Variants in PPARGC1B observed in about 807,000 individuals in gnomAD.
PPARGC1B encodes the protein peroxisome proliferator-activated receptor gamma coactivator 1-beta.
PPARGC1B carries 34 observed loss-of-function variants against 101.6 expected under a neutral mutation model. The ratio of observed to expected loss-of-function variants is 0.33; its 90% confidence interval spans 0.25 to 0.45. The LOEUF (loss-of-function observed/expected upper bound fraction) is 0.45, where lower values mean the gene tolerates loss of function less well. Among genes scored for constraint, PPARGC1B ranks in the 20% least tolerant of loss-of-function variants. PPARGC1B has a pLI of 1.00. For synonymous variants in PPARGC1B, 548 were observed against 539.3 expected (o/e 1.02, Z -0.22); for missense variants, 1,234 against 1,317.6 (o/e 0.94, Z 0.98).
intron 1 of PPARGC1B, among the ~76,000 whole-genome samples, chr5:149,803,118 C>G (rs1757485928): frequency 6.6e-6 from 1 of 152,206 alleles, no homozygotes; most frequent in African/African-American, 2.4e-5. Context: ...TGGTTGTCTG[C>G]TCTCTGAGGT....
At chr5:149,762,226 G>A (rs1322467000) in intron 1 of PPARGC1B, among the ~76,000 whole-genome samples, 9 of 149,046 alleles carry the variant, frequency 6.0e-5, no homozygotes, top group South Asian at 2.1e-4. Flanking sequence ...TCGGCTCACT[G>A]CAACCTCTGC....
At chr5:149,795,395 T>C (rs1447111692) in intron 1 of PPARGC1B, among the ~76,000 whole-genome samples, 1 of 152,138 alleles carries the variant, frequency 6.6e-6, no homozygotes, top group Non-Finnish European at 1.5e-5. Context: ...GGTGGGGCAT[T>C]GGACTAAGTG....
chr5:149,847,450 A>G lies in PPARGC1B; in HGVS notation c.2972-8A>G, dbSNP rs778416521. On this transcript the variant is annotated splice_polypyrimidine_tract_variant and splice_region_variant and intron_variant, in intron 11 of 11. Coordinates refer to ENST00000309241, the MANE Select transcript of PPARGC1B (RefSeq NM_133263.4). ...CCCTCTTCCCTGCCTCTTCACCCCC[A>G]TGCCCAGATTCCAATTCAGAAGAGG... 10 of 1,609,282 alleles carry G rather than the reference A, an allele frequency of 6.2e-6. No homozygotes were observed. Among genetic ancestry groups the G allele is most frequent in the Non-Finnish European group, 8.5e-6 (10 of 1,175,588 alleles).
chr5:149,796,463 G>A (rs1049491871), intron 1 of PPARGC1B, among the ~76,000 whole-genome samples: 8 of 152,180 alleles, frequency 5.3e-5, no homozygotes, highest in African/African-American at 1.7e-4. Context: ...CAATAGGAGC[G>A]TCTTTGGAGA....
At chr5:149,799,687 G>GTTTTTTTTT (rs1561553708) in intron 1 of PPARGC1B, among the ~76,000 whole-genome samples, 6 of 85,436 alleles carry the variant, frequency 7.0e-5, no homozygotes, top group African/African-American at 2.5e-4. Flanking sequence ...TTGTTTGCTT[G>GTTTTTTTTT]TTGTTGTTTT....
Position 149,833,772 on chromosome 5 carries a change from C to G in PPARGC1B, c.1699C>G (p.Pro567Ala). The part of the protein sequence containing the change: ...DEDPSCPQLP[P>A]RDSPRCLMLA... ...GGACCCCAGCTGCCCGCAGCTCCCT[C>G]CCAGAGGTAGTCAGAGTTGGTGGTC... is the stretch of plus-strand genomic sequence containing the variant. Residue 567 changes from proline (P) to alanine (A), a missense_variant, in exon 5 of 12, where the codon CCC (proline) becomes GCC (alanine). Coordinates refer to ENST00000309241, the MANE Select transcript of PPARGC1B (RefSeq NM_133263.4). This position sits in a 1 kb window ranked among gnomAD's most constrained non-coding sequence, Gnocchi z 4.1. 4 of 1,520,594 alleles carry G rather than the reference C, an allele frequency of 2.6e-6. No individual in the cohort carries two copies. The highest frequency in any genetic ancestry group is 3.5e-6 in the Non-Finnish European group (4 of 1,138,992). The allele number at this position is 1,520,594 out of a possible 1,614,324, so 94.2% of individuals were successfully genotyped here.
At chr5:149,814,906 A>G (rs1757996077) in intron 1 of PPARGC1B, among the ~76,000 whole-genome samples, 1 of 152,224 alleles carries the variant, frequency 6.6e-6, no homozygotes, top group African/African-American at 2.4e-5. Flanking sequence ...TTGAGGGGCC[A>G]GAGAGGCCCT....
intron 1 of PPARGC1B, among the ~76,000 whole-genome samples, chr5:149,813,129 G>A (rs556428067): frequency 1.3e-5 from 2 of 152,136 alleles, no homozygotes; most frequent in Admixed American, 6.5e-5. Context: ...GCAGGGTGTC[G>A]GGCTGGGATC....
chr5:149,793,120 C>T (rs1218042815), intron 1 of PPARGC1B, among the ~76,000 whole-genome samples: 1 of 152,006 alleles, frequency 6.6e-6, no homozygotes, highest in East Asian at 1.9e-4. Flanking sequence ...CCTGTGGTTC[C>T]CTGCCTTCCC....
Position 149,741,351 on chromosome 5 carries a change from A to G in PPARGC1B, c.78+10931A>G, listed in dbSNP as rs111978977. ...TTATTTCTGGTCTCAGGCTCTTTGC[A>G]AGGAAGTGTGGTACCCAGAACACTG... On this transcript the variant is annotated intron_variant, in intron 1 of 11. Coordinates refer to ENST00000309241, the MANE Select transcript of PPARGC1B (RefSeq NM_133263.4). Among the ~76,000 whole-genome samples, 278 of 152,266 alleles carry G rather than the reference A, an allele frequency of 1.8e-3. 1 individual carries two copies. The highest frequency in any genetic ancestry group is 6.4e-3 in the African/African-American group (265 of 41,544).
intron 1 of PPARGC1B, among the ~76,000 whole-genome samples, chr5:149,738,549 A>T (rs1410200573): frequency 6.6e-6 from 1 of 152,038 alleles, no homozygotes; most frequent in Non-Finnish European, 1.5e-5. Flanking sequence ...ATTTTAATGT[A>T]TTCATAGCCT....
At chr5:149,752,213 T>C (rs1007076046) in intron 1 of PPARGC1B, among the ~76,000 whole-genome samples, 4 of 152,220 alleles carry the variant, frequency 2.6e-5, no homozygotes, top group Non-Finnish European at 5.9e-5. Flanking sequence ...TCTCTACATG[T>C]CCGTTAATAT....
chr5:149,792,564 A>G (rs1173075034), intron 1 of PPARGC1B, among the ~76,000 whole-genome samples: 1 of 152,178 alleles, frequency 6.6e-6, no homozygotes, highest in Non-Finnish European at 1.5e-5. Context: ...CTGGGATTCT[A>G]ATTCTGGCCG....
chr5:149,739,277 C>T (rs1754830380), intron 1 of PPARGC1B, among the ~76,000 whole-genome samples: 2 of 152,218 alleles, frequency 1.3e-5, no homozygotes, highest in Admixed American at 6.5e-5. Context: ...GTGACTATTT[C>T]GTTGTGTATC....
At chr5:149,759,581 T>C (rs1382671999) in intron 1 of PPARGC1B, among the ~76,000 whole-genome samples, 2 of 152,218 alleles carry the variant, frequency 1.3e-5, no homozygotes, top group East Asian at 3.9e-4. Flanking sequence ...CAAGTTGGAC[T>C]TGGGCAGCAT....
At chr5:149,750,453 A>AAAATATATATAT (rs1223165218) in intron 1 of PPARGC1B, among the ~76,000 whole-genome samples, 33 of 123,228 alleles carry the variant, frequency 2.7e-4, no homozygotes, top group Non-Finnish European at 5.4e-4. Flanking sequence ...TTTTAGTTAA[A>AAAATATATATAT]ATATATATAT....
At position 149,832,866 on chromosome 5, in the gene PPARGC1B, C is replaced by T. The variant is rs367670824; in HGVS notation, c.793C>T (p.Arg265Trp). 3.7e-5 allele frequency: 60 copies of T among 1,611,318 alleles called. No individual in the cohort carries two copies. Among genetic ancestry groups the T allele is most frequent in the Middle Eastern group, 1.6e-4 (1 of 6,074 alleles). Residue 265 changes from arginine to tryptophan, a missense_variant, in exon 5 of 12, where the codon CGG (arginine) becomes TGG (tryptophan). By Grantham distance (101) the Arg-to-Trp change is moderately radical. Coordinates refer to ENST00000309241, the MANE Select transcript of PPARGC1B (RefSeq NM_133263.4). The surrounding 1 kb of genome is among the most constrained non-coding windows in gnomAD (Gnocchi z 4.9). ...CCCCCAGCCAGCTCCAGCCTCTCCCCGGGACTCCCTAGCTCTGGGCAGGGC... is the reference window on the plus strand; with the variant it reads ...CCCCCAGCCAGCTCCAGCCTCTCCCTGGGACTCCCTAGCTCTGGGCAGGGC... Reference protein sequence around the residue: ...PSPQPAPASPRDSLALGRADP... With the variant: ...PSPQPAPASPWDSLALGRADP...
chr5:149,856,649 A>G (rs565475729), downstream of PPARGC1B, among the ~76,000 whole-genome samples: 3 of 152,300 alleles, frequency 2.0e-5, no homozygotes, highest in African/African-American at 4.8e-5. Flanking sequence ...GCTGAACTCA[A>G]AGGTCCTTTA....
intron 1 of PPARGC1B, among the ~76,000 whole-genome samples, chr5:149,789,570 G>A (rs1286315521): frequency 1.3e-5 from 2 of 152,178 alleles, no homozygotes; most frequent in African/African-American, 4.8e-5. Flanking sequence ...TGAGTGCTTT[G>A]TTTATATCCT....
Sources: allele counts gnomAD v4.1 joint callset (sites outside exome capture counted in the v4.1 genomes callset), GRCh38; gene constraint gnomAD v4.1.1; non-coding constraint Gnocchi (gnomAD v3.1); transcripts MANE v1.5; gene names NCBI Gene and HGNC (gene_info 2026-07-23, HGNC 2026-07-21).